Variants in FBXO4 observed in about 807,000 individuals in gnomAD.
The protein encoded by FBXO4 is F-box only protein 4.
FBXO4 carries 36 observed loss-of-function variants against 43.7 expected under a neutral mutation model. The ratio of observed to expected loss-of-function variants is 0.82; its 90% CI spans 0.63 to 1.09. The LOEUF (loss-of-function observed/expected upper bound fraction) is 1.09. FBXO4 is among the 50% of genes least tolerant of loss of function. The pLI is 0.00. For missense variants in FBXO4, 435 were observed against 474.1 expected (o/e 0.92, Z 0.77); for synonymous variants, 180 against 165.6 (o/e 1.09, Z -0.67).
chr5:41,928,503 T>A (rs961074722), intron 2 of FBXO4: 1 of 153,104 alleles, frequency 6.5e-6, no homozygotes, highest in Non-Finnish European at 1.5e-5. Flanking sequence ...CCTGGCTAAT[T>A]TTTTGTATTT....
the FBXO4 span, among the ~76,000 whole-genome samples, chr5:41,964,607 T>C: frequency 6.6e-6 from 1 of 151,282 alleles, no homozygotes; most frequent in Non-Finnish European, 1.5e-5. Flanking sequence ...TTTTTTTTTT[T>C]CAAAAATAGA....
the FBXO4 span, among the ~76,000 whole-genome samples, chr5:41,997,706 A>G: frequency 1.3e-5 from 2 of 152,182 alleles, no homozygotes; most frequent in Non-Finnish European, 2.9e-5. Flanking sequence ...TCCTGGAATG[A>G]ATGTCAGCTC....
chr5:42,012,497 G>A, the FBXO4 span, among the ~76,000 whole-genome samples: 2 of 152,124 alleles, frequency 1.3e-5, no homozygotes, highest in African/African-American at 2.4e-5. Context: ...ACTGTCTCCC[G>A]TAAATTGGAG....
At chr5:42,003,109 G>A in the FBXO4 span, among the ~76,000 whole-genome samples, 19 of 152,108 alleles carry the variant, frequency 1.2e-4, no homozygotes, top group African/African-American at 1.9e-4. Flanking sequence ...ACGATTTAAC[G>A]AGATAGATTA....
chr5:42,003,119 A>T, the FBXO4 span, among the ~76,000 whole-genome samples: 1 of 152,252 alleles, frequency 6.6e-6, no homozygotes, highest in Non-Finnish European at 1.5e-5. Flanking sequence ...GAGATAGATT[A>T]TACAATCACA....
chr5:42,006,930 A>AC, the FBXO4 span, among the ~76,000 whole-genome samples: 1 of 138,348 alleles, frequency 7.2e-6, no homozygotes, highest in East Asian at 2.0e-4. Flanking sequence ...ATATACACAC[A>AC]CATACATACA....
chr5:41,959,169 C>T, the FBXO4 span, among the ~76,000 whole-genome samples: 1 of 152,114 alleles, frequency 6.6e-6, no homozygotes, highest in Admixed American at 6.5e-5. Flanking sequence ...TTTATACACC[C>T]ATTAGCCATC....
the FBXO4 span, among the ~76,000 whole-genome samples, chr5:42,004,408 G>GT: frequency 6.6e-6 from 1 of 152,146 alleles, no homozygotes; most frequent in East Asian, 1.9e-4. Context: ...AAGTACAAAG[G>GT]TGGGTATATT....
chr5:41,937,602 A>G (rs999797813), intron 5 of FBXO4, among the ~76,000 whole-genome samples: 1 of 152,146 alleles, frequency 6.6e-6, no homozygotes, highest in African/African-American at 2.4e-5. Flanking sequence ...CTAAATCCCT[A>G]TTCTCCCAAG....
the FBXO4 span, among the ~76,000 whole-genome samples, chr5:42,004,526 C>T: frequency 6.6e-6 from 1 of 151,762 alleles, no homozygotes; most frequent in Non-Finnish European, 1.5e-5. Context: ...ATACATAGGA[C>T]CATAGAATAA....
At chr5:42,016,308 T>C in the FBXO4 span, among the ~76,000 whole-genome samples, 2 of 152,072 alleles carry the variant, frequency 1.3e-5, no homozygotes, top group African/African-American at 4.8e-5. Context: ...CAAAGGATTA[T>C]TCTCTCTTGT....
chr5:41,999,446 A>AGTGTGTGTGTGTGT, the FBXO4 span, among the ~76,000 whole-genome samples: 2 of 107,776 alleles, frequency 1.9e-5, no homozygotes, highest in African/African-American at 7.7e-5. Context: ...TATATATGTG[A>AGTGTGTGTGTGTGT]GTGTGTGTGT....
the FBXO4 span, among the ~76,000 whole-genome samples, chr5:41,983,159 A>T: frequency 1.3e-5 from 2 of 152,194 alleles, no homozygotes; most frequent in Non-Finnish European, 2.9e-5. Context: ...TGCTATTGTG[A>T]ATAGTACCAC....
the FBXO4 span, among the ~76,000 whole-genome samples, chr5:42,022,059 C>T: frequency 1.6e-4 from 25 of 152,182 alleles, no homozygotes; most frequent in African/African-American, 5.8e-4. Flanking sequence ...TCATTCTGAA[C>T]GAGAACATTT....
At chr5:41,967,742 GA>G in the FBXO4 span, 1 of 616,312 alleles carries the variant, frequency 1.6e-6, no homozygotes, top group South Asian at 1.4e-5. Flanking sequence ...TCCTTATCTG[GA>G]AAAACAGAAT....
the FBXO4 span, among the ~76,000 whole-genome samples, chr5:41,956,990 G>C: frequency 3.9e-5 from 6 of 152,082 alleles, no homozygotes; most frequent in Non-Finnish European, 5.9e-5. Flanking sequence ...GGGATTACAG[G>C]CTTAAGCCCC....
At chr5:41,948,555 G>A in the FBXO4 span, among the ~76,000 whole-genome samples, 1 of 152,136 alleles carries the variant, frequency 6.6e-6, no homozygotes, top group Non-Finnish European at 1.5e-5. Flanking sequence ...CGTTACAGCA[G>A]TAGAATTTCC....
At chr5:42,003,457 G>A in the FBXO4 span, among the ~76,000 whole-genome samples, 46 of 152,250 alleles carry the variant, frequency 3.0e-4, no homozygotes, top group Admixed American at 7.2e-4. Context: ...GATGAACATC[G>A]TACCATCTAG....
At chr5:42,036,638 C>T in the FBXO4 span, among the ~76,000 whole-genome samples, 2 of 152,052 alleles carry the variant, frequency 1.3e-5, no homozygotes, top group Non-Finnish European at 2.9e-5. Context: ...ATAATATACA[C>T]AAAGGGCCTG....
Sources: allele counts gnomAD v4.1 joint callset (sites outside exome capture counted in the v4.1 genomes callset), GRCh38; gene constraint gnomAD v4.1.1; transcripts MANE v1.5; gene names NCBI Gene and HGNC (gene_info 2026-07-23, HGNC 2026-07-21).